SLA2: variants seen among roughly 807,000 people sequenced by gnomAD.
SLA2 encodes src-like-adapter 2.
A neutral mutation model predicts 27.3 loss-of-function variants in SLA2; 22 were observed. The ratio of observed to expected loss-of-function variants is 0.81; its 90% CI spans 0.58 to 1.15. The LOEUF (loss-of-function observed/expected upper bound fraction) is 1.15. Among genes scored for constraint, SLA2 ranks in the 50% most tolerant of loss-of-function variants. SLA2 has a pLI of 0.00. For missense variants in SLA2, 304 were observed against 322.2 expected, an observed-to-expected ratio of 0.94 and a Z score of 0.43; for synonymous variants, 131 against 137.8, an observed-to-expected ratio of 0.95 and a Z score of 0.34.
In SLA2 at chr20:36,613,960, G is replaced by A. The variant is rs2039173124; in HGVS notation, c.692C>T (p.Thr231Ile). 3 of 1,614,062 alleles carry A rather than the reference G, an allele frequency of 1.9e-6. No individual in the cohort carries two copies. The African/African-American group carries it at 4.0e-5, about 22-fold the overall frequency. ...CTCACTGAGAAGAGACTCCTCCCCTGTGGCAGCTTCAGAAAACAGGAGGGA... is the reference window on the plus strand; with the variant it reads ...CTCACTGAGAAGAGACTCCTCCCCTATGGCAGCTTCAGAAAACAGGAGGGA... The part of the protein sequence containing the change: ...DSSLLFSEAA[T>I]GEESLLSEGL... Residue 231 changes from threonine (T) to isoleucine (I), a missense_variant, in exon 8 of 8, where the codon ACA (threonine) becomes ATA (isoleucine). Transcript: ENST00000262866.
In SLA2 at chr20:36,614,490, C is replaced by T; in HGVS notation, c.533-53G>A. The stretch of plus-strand genomic sequence containing the variant: ...TGACTGACTCCACCCTACTTCTCCC[C>T]AACAGCCCTCACCCTGACAGCCCTC... On this transcript the variant is annotated intron_variant, in intron 6 of 7. Coordinates refer to ENST00000262866, the MANE Select transcript of SLA2 (RefSeq NM_032214.4). 11 of 1,545,858 alleles carry T rather than the reference C, an allele frequency of 7.1e-6. No individual in the cohort carries two copies. In the South Asian group the frequency reaches 1.4e-4, roughly 19 times the overall value.
intron 5 of SLA2, among the ~76,000 whole-genome samples, chr20:36,618,255 TTAA>T (rs1359371277): frequency 1.3e-5 from 2 of 152,012 alleles, no homozygotes; most frequent in Non-Finnish European, 2.9e-5. Context: ...TAGTGGGATA[TTAA>T]TATCAGACAA....
intron 4 of SLA2, among the ~76,000 whole-genome samples, chr20:36,632,969 G>A (rs772799502): frequency 2.6e-5 from 4 of 152,076 alleles, no homozygotes; most frequent in African/African-American, 9.7e-5. Flanking sequence ...CAAGTAACCT[G>A]GGTTGGTCCC....
intron 5 of SLA2, among the ~76,000 whole-genome samples, chr20:36,625,843 A>AG (rs1453677358): frequency 6.6e-6 from 1 of 151,066 alleles, no homozygotes; most frequent in African/African-American, 2.4e-5. Flanking sequence ...AAAAAAAAAA[A>AG]GCTGGGTGTG....
Position 36,615,342 on chromosome 20 carries a change from G to C in SLA2, c.415C>G (p.Pro139Ala). The change falls in exon 6 of 8, where the codon CCT (proline) becomes GCT (alanine). Residue 139 changes from proline to alanine, a missense_variant. Pro to Ala is a conservative substitution (Grantham distance 27, BLOSUM62 -1). Transcript: ENST00000262866. ...SYSLSVRLSRPASWDRIRHYR... is the reference protein window; with the variant it reads ...SYSLSVRLSRAASWDRIRHYR... ...TGTCTGATCCGGTCCCAGGATGCAG[G>C]GCGGCTGAGGCGGACTGACAGAGAG... 6.2e-7 allele frequency: 1 copy of C among 1,614,104 alleles called. No individual in the cohort carries two copies. The highest frequency in any genetic ancestry group is 8.5e-7 in the Non-Finnish European group (1 of 1,180,026).
Position 36,632,620 on chromosome 20 carries a change from G to A in SLA2, c.357C>T (p.Leu119=), listed in dbSNP as rs751566355. The part of the protein sequence containing the change: ...LLPGNPGGAF[L]IRESQTRRGS... ...CTCTCCTGGTCTGGCTCTCCCGGAT[G>A]AGGAAGGCCCCTCCAGGGTTCCCAG... Residue 119 remains leucine, a synonymous_variant, in exon 5 of 8, where the codon CTC becomes CTT. Transcript: ENST00000262866. The A allele has an allele frequency of 2.5e-6, 4 of 1,614,044 alleles. No individual in the cohort carries two copies. In the Admixed American group the frequency reaches 5.0e-5, roughly 20 times the overall value.
intron 5 of SLA2, among the ~76,000 whole-genome samples, chr20:36,622,666 T>G (rs188819952): frequency 3.1e-4 from 47 of 152,232 alleles, no homozygotes; most frequent in Non-Finnish European, 5.0e-4. Flanking sequence ...CTTTTCCAGT[T>G]TCTAGAAGCC....
At chr20:36,637,883 CTTTTT>C (rs35354699) in intron 2 of SLA2, among the ~76,000 whole-genome samples, 101 of 89,364 alleles carry the variant, frequency 1.1e-3, no homozygotes, top group Non-Finnish European at 1.3e-3. Context: ...GCCTCGGCCT[CTTTTT>C]TTTTTTTTTT....
intron 5 of SLA2, among the ~76,000 whole-genome samples, chr20:36,617,533 C>CAAAAA (rs1159077334): frequency 1.8e-5 from 1 of 56,806 alleles, no homozygotes; most frequent in Non-Finnish European, 3.7e-5. Flanking sequence ...GACCCTGTCT[C>CAAAAA]AAAAAAAAAA....
At chr20:36,627,557 G>A (rs1417780413) in intron 5 of SLA2, among the ~76,000 whole-genome samples, 2 of 152,200 alleles carry the variant, frequency 1.3e-5, no homozygotes, top group East Asian at 3.9e-4. Context: ...GCCCTGCAGG[G>A]GCAGGAACCA....
At chr20:36,637,359 T>C (rs950799867) in intron 2 of SLA2, among the ~76,000 whole-genome samples, 1 of 151,268 alleles carries the variant, frequency 6.6e-6, no homozygotes, top group East Asian at 2.0e-4. Context: ...CCCACCACCA[T>C]GCCTGGCTAC....
intron 2 of SLA2, among the ~76,000 whole-genome samples, chr20:36,634,815 GA>G (rs1033580503): frequency 1.8e-4 from 26 of 148,062 alleles, no homozygotes; most frequent in Middle Eastern, 3.4e-3. Context: ...GAGAAAGAAA[GA>G]AAAAAAAAAT....
intron 5 of SLA2, among the ~76,000 whole-genome samples, chr20:36,623,848 A>C (rs1477631267): frequency 6.6e-6 from 1 of 152,068 alleles, no homozygotes; most frequent in Non-Finnish European, 1.5e-5. Context: ...TAACCCTAAA[A>C]AATTCTGTGG....
In SLA2 at chr20:36,633,622, C is replaced by T. The variant is rs369794434; in HGVS notation, c.199G>A (p.Asp67Asn). Reference sequence around the variant, plus strand: ...ACTTCAGACAGCACCGTCCACCAGTCTCCATCCCTGGAGAGAGAAAGGAGT... The same window carrying T: ...ACTTCAGACAGCACCGTCCACCAGTTTCCATCCCTGGAGAGAGAAAGGAGT... The part of the protein sequence containing the change: ...EPLTIVSEDG[D>N]WWTVLSEVSG... Residue 67 changes from aspartate (D) to asparagine (N), a missense_variant, in exon 4 of 8, where the codon GAC (aspartate) becomes AAC (asparagine). Coordinates refer to ENST00000262866, the MANE Select transcript of SLA2 (RefSeq NM_032214.4). 6.2e-7 allele frequency: 1 copy of T among 1,613,650 alleles called. No homozygotes were observed. Among genetic ancestry groups the T allele is most frequent in the Non-Finnish European group, 8.5e-7 (1 of 1,179,750 alleles).
intron 5 of SLA2, among the ~76,000 whole-genome samples, chr20:36,622,368 CAA>C (rs963203328): frequency 7.5e-6 from 1 of 133,352 alleles, no homozygotes; most frequent in Non-Finnish European, 1.6e-5. Context: ...AAAAAAAAAA[CAA>C]AAAACTGAAA....
In SLA2 at chr20:36,633,764, G is replaced by A. The variant is rs1600828665; in HGVS notation, c.192-135C>T. 11 of 667,520 alleles carry A rather than the reference G, an allele frequency of 1.6e-5. No homozygotes were observed. The East Asian group carries it at 2.8e-4, about 17-fold the overall frequency. 41.3% of individuals were successfully genotyped at this position (667,520 alleles called of 1,614,324 possible). ...TCCTGCCTGTTTCCCAGGCTTCCCT[G>A]CACTAGCCTGTCCAGGTACCTCCTG... On this transcript the variant is annotated intron_variant, in intron 3 of 7. Transcript: ENST00000262866.
intron 1 of SLA2, among the ~76,000 whole-genome samples, chr20:36,644,343 G>A (rs1207810464): frequency 6.6e-6 from 1 of 152,160 alleles, no homozygotes; most frequent in African/African-American, 2.4e-5. Flanking sequence ...CTCAGGCAAA[G>A]CATGCAAGCT....
chr20:36,613,069 A>AATT lies in SLA2; in HGVS notation c.*794_*796dup, dbSNP rs1019086361. The AATT allele has an allele frequency of 6.6e-6, 1 of 152,272 alleles. No homozygotes were observed. Among genetic ancestry groups the AATT allele is most frequent in the Non-Finnish European group, 1.5e-5 (1 of 68,078 alleles). The allele number at this position is 152,272 out of a possible 1,614,324, so 9.4% of individuals were successfully genotyped here. A position where few individuals can be genotyped will look rare whatever the true frequency, so the allele number is the denominator to read the frequency against. On this transcript the variant is annotated 3_prime_UTR_variant, in exon 8 of 8. Coordinates refer to ENST00000262866, the MANE Select transcript of SLA2 (RefSeq NM_032214.4). ...CCCATGTCTACTAAAAATACAAAAA[A>AATT]ATTAGCCAGGCATGGTGGTGTACGC...
At chr20:36,644,560 G>A (rs1978286182) in intron 1 of SLA2, among the ~76,000 whole-genome samples, 1 of 152,240 alleles carries the variant, frequency 6.6e-6, no homozygotes, top group African/African-American at 2.4e-5. Context: ...GGCAGATGGA[G>A]ACAGGGGAGC....
Sources: gnomAD v4.1 joint callset for allele counts (sites outside exome capture counted in the v4.1 genomes callset) on GRCh38, gnomAD v4.1.1 for gene constraint, MANE v1.5 for transcripts, NCBI Gene and HGNC (gene_info 2026-07-23, HGNC 2026-07-21) for gene names.